The following USP54 variants were observed in gnomAD, a reference collection of about 807,000 sequenced individuals.
USP54 encodes ubiquitin specific peptidase 54, also known as ubiquitin carboxyl-terminal hydrolase 54.
A neutral mutation model predicts 170.5 loss-of-function variants in USP54; 87 were observed. The ratio of observed to expected loss-of-function variants is 0.51; its 90% CI spans 0.43 to 0.61. The LOEUF (loss-of-function observed/expected upper bound fraction) is 0.61. Among genes scored for constraint, USP54 ranks in the 20% least tolerant of loss-of-function variants. The pLI is 0.00. For synonymous variants in USP54, 655 were observed against 742.8 expected (o/e 0.88, Z 1.92); for missense variants, 1,786 against 2,047.8 (o/e 0.87, Z 2.47).
At chr10:73,518,296 T>A (rs1476899748) in intron 19 of USP54, 1 of 947,112 alleles carries the variant, frequency 1.1e-6, no homozygotes, top group Non-Finnish European at 1.3e-6. Context: ...ATTTCAAATA[T>A]GTTTTTATAA....
At chr10:73,582,432 C>T (rs1327598950) in intron 1 of USP54, among the ~76,000 whole-genome samples, 1 of 151,626 alleles carries the variant, frequency 6.6e-6, no homozygotes, top group Non-Finnish European at 1.5e-5. Flanking sequence ...GTCACCCAGG[C>T]TGGAGTGCAG....
intron 16 of USP54, among the ~76,000 whole-genome samples, chr10:73,525,964 A>ACCCCC (rs148918481): frequency 4.6e-5 from 7 of 152,292 alleles, no homozygotes; most frequent in African/African-American, 1.7e-4. Flanking sequence ...AGCCACATGT[A>ACCCCC]CCCCTTTGGT....
intron 15 of USP54, among the ~76,000 whole-genome samples, chr10:73,528,155 C>T (rs921537206): frequency 6.6e-5 from 10 of 151,918 alleles, no homozygotes; most frequent in Admixed American, 4.6e-4. Context: ...AAGATGTTCT[C>T]GATCTCCTGA....
intron 4 of USP54, among the ~76,000 whole-genome samples, chr10:73,550,964 G>GCC (rs966651605): frequency 5.3e-5 from 8 of 152,074 alleles, no homozygotes; most frequent in Admixed American, 4.6e-4. Context: ...AATTATCCAG[G>GCC]CATGGTGGCA....
chr10:73,548,583 C>A (rs536907772), intron 4 of USP54, among the ~76,000 whole-genome samples: 3 of 152,072 alleles, frequency 2.0e-5, no homozygotes, highest in Non-Finnish European at 4.4e-5. Context: ...TTTGCAGGGA[C>A]ATGGATGAAG....
At chr10:73,562,866 A>T (rs1445575232) in intron 4 of USP54, among the ~76,000 whole-genome samples, 1 of 152,232 alleles carries the variant, frequency 6.6e-6, no homozygotes, top group Non-Finnish European at 1.5e-5. Flanking sequence ...AAGTAATGAT[A>T]AACTGTTTTC....
At position 73,499,115 on chromosome 10, in the gene USP54, T is replaced by A. The variant is rs1456553043; in HGVS notation, c.4569A>T (p.Thr1523=). Residue 1523 remains threonine (T), a synonymous_variant, in exon 24 of 24, where the codon ACA becomes ACT. Coordinates refer to ENST00000687698, the MANE Select transcript of USP54 (RefSeq NM_001391956.1). ...RGETSQGAKY[T]GRTLNYQSLP... The stretch of plus-strand genomic sequence containing the variant: ...GGCTCTGGTAGTTCAAAGTCCTTCC[T>A]GTGTACTTGGCCCCTTGGGAAGTTT... The A allele has an allele frequency of 6.2e-7, 1 of 1,614,110 alleles. No individual in the cohort carries two copies. The highest frequency in any genetic ancestry group is 1.7e-5 in the Admixed American group (1 of 60,020).
At chr10:73,539,221 G>A (rs1466564451) in intron 10 of USP54, among the ~76,000 whole-genome samples, 1 of 148,902 alleles carries the variant, frequency 6.7e-6, no homozygotes, top group Non-Finnish European at 1.5e-5. Context: ...AGAGATTGCA[G>A]TGAGCCAAGA....
At chr10:73,583,929 G>GT (rs2077181955) in intron 1 of USP54, among the ~76,000 whole-genome samples, 1 of 152,024 alleles carries the variant, frequency 6.6e-6, no homozygotes, top group African/African-American at 2.4e-5. Context: ...ATCATTAGAG[G>GT]TAACTATTTT....
intron 15 of USP54, among the ~76,000 whole-genome samples, chr10:73,528,536 G>A (rs113623919): frequency 0.072 from 10,846 of 151,666 alleles, 623 homozygotes; most frequent in East Asian, 0.3. Context: ...GATTACAAGC[G>A]TGAGCTACTG....
chr10:73,598,655 TA>T (rs2078928302), intron 1 of USP54, among the ~76,000 whole-genome samples: 1 of 151,888 alleles, frequency 6.6e-6, no homozygotes, highest in South Asian at 2.1e-4. Flanking sequence ...CTCACACCTG[TA>T]ATCCCAGCAC....
intron 20 of USP54, among the ~76,000 whole-genome samples, chr10:73,507,669 CAAAAAAA>C (rs913305815): frequency 3.7e-3 from 83 of 22,458 alleles, no homozygotes; most frequent in African/African-American, 0.011. Context: ...GACTCCGTCG[CAAAAAAA>C]AAAAAAAAAA....
At chr10:73,520,533 G>A (rs1564673422) in intron 18 of USP54, among the ~76,000 whole-genome samples, 1 of 152,194 alleles carries the variant, frequency 6.6e-6, no homozygotes, top group Non-Finnish European at 1.5e-5. Flanking sequence ...AAAGTCACAG[G>A]CCTGGGAAGT....
At chr10:73,579,347 G>A (rs968864759) in intron 1 of USP54, among the ~76,000 whole-genome samples, 14 of 152,172 alleles carry the variant, frequency 9.2e-5, no homozygotes, top group African/African-American at 3.4e-4. Context: ...GGAAGACACT[G>A]TTAAGAGAAT....
At chr10:73,608,169 A>G (rs2079832054) in intron 1 of USP54, among the ~76,000 whole-genome samples, 1 of 152,076 alleles carries the variant, frequency 6.6e-6, no homozygotes, top group Non-Finnish European at 1.5e-5. Context: ...ATGAGACAAA[A>G]GAATTGCTTG....
At chr10:73,604,592 AT>A (rs71021554) in intron 1 of USP54, among the ~76,000 whole-genome samples, 12 of 141,552 alleles carry the variant, frequency 8.5e-5, no homozygotes, top group African/African-American at 1.0e-4. Context: ...ATCTCCACAA[AT>A]TTTTTTTTTT....
At chr10:73,562,219 T>C (rs146611658) in intron 4 of USP54, among the ~76,000 whole-genome samples, 120 of 152,346 alleles carry the variant, frequency 7.9e-4, no homozygotes, top group African/African-American at 2.5e-3. Context: ...AGTGCTTTTC[T>C]ATATTTTATA....
intron 12 of USP54, 113 bp from the exon 13 acceptor site, chr10:73,530,948 C>T: frequency 6.9e-7 from 1 of 1,459,438 alleles, no homozygotes; most frequent in Non-Finnish European, 9.3e-7. Context: ...ACCCATGGAA[C>T]AGAAGCTGTA....
rs965943077 is a variant in USP54, at chr10:73,499,290, A to G, written c.4496-102T>C. The G allele has an allele frequency of 5.4e-6, 6 of 1,119,590 alleles. No homozygotes were observed. The African/African-American group carries it at 9.3e-5, about 17-fold the overall frequency. The allele number at this position is 1,119,590 out of a possible 1,614,324, so 69.4% of individuals were successfully genotyped here. A position where few individuals can be genotyped will look rare whatever the true frequency, so the allele number is the denominator to read the frequency against. On this transcript the variant is annotated intron_variant, in intron 23 of 23. Transcript: ENST00000687698. ...GTGTAGCCCAATTCCCTACTCCTCC[A>G]AGAGCATACATACAAGGGAAAGAAT...
Sources: gnomAD v4.1 joint callset for allele counts (sites outside exome capture counted in the v4.1 genomes callset) on GRCh38, gnomAD v4.1.1 for gene constraint, MANE v1.5 for transcripts, NCBI Gene and HGNC (gene_info 2026-07-23, HGNC 2026-07-21) for gene names.